SLC4A10: variants seen among roughly 807,000 people sequenced by gnomAD.
SLC4A10 encodes the protein solute carrier family 4 member 10, also known as sodium-driven chloride bicarbonate exchanger.
Under a neutral mutation model 137.7 loss-of-function variants are expected in SLC4A10, and 42 were observed. That is an observed-to-expected ratio of 0.30 (90% CI 0.24 to 0.39). The LOEUF is 0.39. Ranked by LOEUF, SLC4A10 falls within the 10% of genes least tolerant of loss-of-function variation. The pLI is 1.00. For missense variants in SLC4A10, 925 were observed against 1,355.0 expected, an observed-to-expected ratio of 0.68 and a Z score of 4.98; for synonymous variants, 474 against 464.1, an observed-to-expected ratio of 1.02 and a Z score of -0.27.
At chr2:161,811,163 G>T (rs544297256) in intron 3 of SLC4A10, among the ~76,000 whole-genome samples, 13 of 152,184 alleles carry the variant, frequency 8.5e-5, no homozygotes, top group African/African-American at 3.1e-4. Context: ...GCACAGAGGT[G>T]TTCATAATAG....
intron 3 of SLC4A10, among the ~76,000 whole-genome samples, chr2:161,814,015 T>G (rs1559308824): frequency 1.3e-5 from 2 of 152,090 alleles, no homozygotes; most frequent in South Asian, 2.1e-4. Flanking sequence ...TCTGGAAACT[T>G]TGCTATTTAA....
intron 23 of SLC4A10, among the ~76,000 whole-genome samples, chr2:161,966,158 G>A (rs745322156): frequency 6.6e-6 from 1 of 152,112 alleles, no homozygotes; most frequent in Admixed American, 6.6e-5. Flanking sequence ...TAAATCAAAT[G>A]AGGTTTTTTC....
At chr2:161,812,239 A>G (rs2056623775) in intron 3 of SLC4A10, among the ~76,000 whole-genome samples, 1 of 152,090 alleles carries the variant, frequency 6.6e-6, no homozygotes, top group Admixed American at 6.6e-5. Flanking sequence ...GCATACACGA[A>G]TAGTTTTCCA....
In SLC4A10 at chr2:161,646,839, A is replaced by G. The variant is rs148840935; in HGVS notation, c.48+22273A>G. Among the ~76,000 whole-genome samples, 139 of 152,172 alleles carry G rather than the reference A, an allele frequency of 9.1e-4. 1 individual carries two copies. The highest frequency in any genetic ancestry group is 4.4e-3 in the South Asian group (21 of 4,826). On this transcript the variant is annotated intron_variant, in intron 1 of 26. Coordinates refer to ENST00000446997, the MANE Select transcript of SLC4A10 (RefSeq NM_001178015.2). ...AATTTATGGAAAGCCTTGCTACTAT[A>G]ATAGGAAAACATTTCACATTTGTTG...
At chr2:161,940,559 G>A (rs957352935) in intron 15 of SLC4A10, among the ~76,000 whole-genome samples, 4 of 152,278 alleles carry the variant, frequency 2.6e-5, no homozygotes, top group Admixed American at 2.0e-4. Context: ...GAAGCCGCGC[G>A]TCAGAGATTT....
intron 2 of SLC4A10, among the ~76,000 whole-genome samples, chr2:161,771,937 G>T (rs79499570): frequency 0.018 from 2,737 of 151,756 alleles, 88 homozygotes; most frequent in African/African-American, 0.062. Flanking sequence ...AGAGGTAAGG[G>T]TTTTTTCATT....
At chr2:161,777,067 T>TAGAC (rs1218956032) in intron 2 of SLC4A10, among the ~76,000 whole-genome samples, 2 of 151,698 alleles carry the variant, frequency 1.3e-5, no homozygotes, top group Non-Finnish European at 2.9e-5. Flanking sequence ...GTGACTTGAA[T>TAGAC]AGACACTTAA....
chr2:161,776,925 A>T (rs989704946), intron 2 of SLC4A10, among the ~76,000 whole-genome samples: 3 of 150,410 alleles, frequency 2.0e-5, no homozygotes, highest in Admixed American at 1.3e-4. Flanking sequence ...GTGAGGTGAT[A>T]TCTCACTGTA....
intron 1 of SLC4A10, among the ~76,000 whole-genome samples, chr2:161,677,104 T>G (rs964050252): frequency 6.6e-6 from 1 of 152,174 alleles, no homozygotes; most frequent in Non-Finnish European, 1.5e-5. Context: ...CCCTCATGAA[T>G]GGCTTGGTAG....
At chr2:161,683,647 T>G (rs1377326753) in intron 1 of SLC4A10, among the ~76,000 whole-genome samples, 1 of 152,206 alleles carries the variant, frequency 6.6e-6, no homozygotes, top group Non-Finnish European at 1.5e-5. Context: ...TGCTTTTAGG[T>G]ACTTTATAGT....
chr2:161,979,846 G>T (rs1176465365), intron 26 of SLC4A10, among the ~76,000 whole-genome samples: 1 of 152,192 alleles, frequency 6.6e-6, no homozygotes, highest in East Asian at 1.9e-4. Flanking sequence ...TAATGTGTCA[G>T]AGAAGCCTAG....
chr2:161,632,410 A>C (rs1466131874), intron 1 of SLC4A10, among the ~76,000 whole-genome samples: 2 of 151,696 alleles, frequency 1.3e-5, no homozygotes, highest in African/African-American at 4.8e-5. Flanking sequence ...TTTAAAAATG[A>C]AAAGAAAAAA....
At chr2:161,677,556 G>A (rs2040401574) in intron 1 of SLC4A10, among the ~76,000 whole-genome samples, 1 of 152,138 alleles carries the variant, frequency 6.6e-6, no homozygotes, top group Non-Finnish European at 1.5e-5. Context: ...GAAATATTCA[G>A]TTCATTATGG....
intron 1 of SLC4A10, among the ~76,000 whole-genome samples, chr2:161,759,341 A>C (rs919247408): frequency 2.0e-5 from 3 of 152,006 alleles, no homozygotes; most frequent in Non-Finnish European, 4.4e-5. Context: ...TGGTGCGAAC[A>C]CTTAAGACCT....
At chr2:161,804,657 T>C (rs2055730237) in intron 3 of SLC4A10, 62 bp downstream of exon 3, 1 of 1,465,202 alleles carries the variant, frequency 6.8e-7, no homozygotes, top group Admixed American at 2.2e-5. Flanking sequence ...CTTATACAAT[T>C]ATGATTAGGA....
intron 1 of SLC4A10, among the ~76,000 whole-genome samples, chr2:161,752,523 A>G (rs1050101060): frequency 3.3e-5 from 5 of 152,108 alleles, no homozygotes; most frequent in African/African-American, 1.2e-4. Context: ...TTATGAAAGC[A>G]GTATGTCAAA....
intron 3 of SLC4A10, among the ~76,000 whole-genome samples, chr2:161,828,767 C>CATCTATATATATAT (rs2058200895): frequency 2.4e-5 from 1 of 42,076 alleles, no homozygotes; most frequent in East Asian, 1.0e-3. Context: ...AATTCTAATT[C>CATCTATATATATAT]ATATATATAT....
intron 2 of SLC4A10, among the ~76,000 whole-genome samples, chr2:161,780,885 A>G (rs2052932574): frequency 6.6e-6 from 1 of 152,074 alleles, no homozygotes; most frequent in Non-Finnish European, 1.5e-5. Flanking sequence ...TTAATAAAAA[A>G]TACATATCTA....
At chr2:161,783,030 C>T (rs1259713435) in intron 2 of SLC4A10, among the ~76,000 whole-genome samples, 1 of 151,828 alleles carries the variant, frequency 6.6e-6, no homozygotes, top group East Asian at 1.9e-4. Flanking sequence ...AACACTAAGA[C>T]ACCTTATAAT....
Sources: gnomAD v4.1 joint callset for allele counts (sites outside exome capture counted in the v4.1 genomes callset) on GRCh38, gnomAD v4.1.1 for gene constraint, MANE v1.5 for transcripts, NCBI Gene and HGNC (gene_info 2026-07-23, HGNC 2026-07-21) for gene names.